LRP4: variants seen among roughly 807,000 people sequenced by gnomAD.
LRP4 encodes the protein low-density lipoprotein receptor-related protein 4.
Under a neutral mutation model 220.3 loss-of-function variants are expected in LRP4, and 95 were observed. The ratio of observed to expected loss-of-function variants is 0.43; its 90% CI spans 0.37 to 0.51. LRP4 has a LOEUF of 0.51. Ranked by LOEUF, LRP4 falls within the 20% of genes least tolerant of loss-of-function variation. The pLI, the probability that LRP4 is intolerant of heterozygous loss-of-function variation, is 0.00. For missense variants in LRP4, 1,925 were observed against 2,567.0 expected (o/e 0.75, Z 5.40); for synonymous variants, 903 against 954.6 (o/e 0.95, Z 1.00).
rs958363854 is a variant in LRP4, at chr11:46,865,143, T to C, written c.5131A>G (p.Asn1711Asp). Residue 1711 changes from asparagine to aspartate, a missense_variant, in exon 35 of 38, where the codon AAT becomes GAT. Around this residue, in one of 3 missense-constraint regions of LRP4, gnomAD observed 1,244 missense variants for 1,624.9 expected, o/e 0.77. Transcript: ENST00000378623. ...DARLGLCARS[N>D]DAVPAAPGEG... Reference sequence around the variant, plus strand: ...CCTGGAGCAGCAGGAACAGCGTCATTGGAACGTGCACAGAGGCCCAGCCTG... The same window carrying C: ...CCTGGAGCAGCAGGAACAGCGTCATCGGAACGTGCACAGAGGCCCAGCCTG... The C allele has an allele frequency of 3.8e-6, 6 of 1,563,168 alleles. No individual in the cohort carries two copies. Among genetic ancestry groups the C allele is most frequent in the African/African-American group, 1.4e-5 (1 of 73,782 alleles).
intron 1 of LRP4, among the ~76,000 whole-genome samples, chr11:46,913,907 A>C (rs919292107): frequency 3.9e-5 from 6 of 152,158 alleles, no homozygotes; most frequent in Non-Finnish European, 7.3e-5. Context: ...CAAGGGGAGA[A>C]AGAAGGGGCA....
Position 46,896,948 on chromosome 11 carries a change from G to C in LRP4, c.843C>G (p.Arg281=). The C allele has an allele frequency of 1.9e-6, 3 of 1,614,260 alleles. No homozygotes were observed. Among genetic ancestry groups the C allele is most frequent in the Non-Finnish European group, 2.5e-6 (3 of 1,180,048 alleles). The change falls in exon 8 of 38, where the codon CGC becomes CGG. Residue 281 remains arginine (R), a synonymous_variant. Transcript: ENST00000378623. ...CACAGCGCCAGGACAGGCGGACACAGCGGCCTGAGTGACAGCGGAACTGTT... is the reference window on the plus strand; with the variant it reads ...CACAGCGCCAGGACAGGCGGACACACCGGCCTGAGTGACAGCGGAACTGTT... The part of the protein sequence containing the change: ...TAEQFRCHSG[R]CVRLSWRCDG...
intron 31 of LRP4, among the ~76,000 whole-genome samples, chr11:46,869,867 G>C (rs1230494557): frequency 6.6e-6 from 1 of 152,120 alleles, no homozygotes; most frequent in Admixed American, 6.5e-5. Flanking sequence ...CCAGCACTTT[G>C]GGAGGCCAAG....
chr11:46,903,942 C>T (rs1941714951), intron 1 of LRP4, among the ~76,000 whole-genome samples: 1 of 152,212 alleles, frequency 6.6e-6, no homozygotes, highest in Non-Finnish European at 1.5e-5. Context: ...TCTGCCTGGC[C>T]AAGTCCCATG....
Position 46,868,188 on chromosome 11 carries a change from G to A in LRP4, c.4952-74C>T, listed in dbSNP as rs1039237234. On this transcript the variant is annotated intron_variant, in intron 33 of 37. Coordinates refer to ENST00000378623, the MANE Select transcript of LRP4 (RefSeq NM_002334.4). ...ACATATGGCCCAAGAGTAGCAGCTG[G>A]AGAACTTGACAAAACAATCTTTTAG... 3.8e-6 allele frequency: 6 copies of A among 1,592,558 alleles called. No individual in the cohort carries two copies. In the Admixed American group the frequency reaches 1.0e-4, roughly 27 times the overall value.
rs1160599345 is a variant in LRP4 at position 46,869,141 on chromosome 11, C to T, written c.4693-9G>A. The T allele has an allele frequency of 3.7e-6, 6 of 1,613,714 alleles. No individual in the cohort carries two copies. In the South Asian group the frequency reaches 6.6e-5, roughly 18 times the overall value. ...TAGATCCACCTGTCTTGCTACTCAA[C>T]AGGGGAAGCCCAAAAACAGTAAATA... is the stretch of plus-strand genomic sequence containing the variant. On this transcript the variant is annotated splice_polypyrimidine_tract_variant and intron_variant, in intron 31 of 37. Transcript: ENST00000378623.
At chr11:46,892,066 G>GCC (rs1206581180) in intron 13 of LRP4, among the ~76,000 whole-genome samples, 9 of 152,140 alleles carry the variant, frequency 5.9e-5, no homozygotes, top group Non-Finnish European at 1.3e-4. Context: ...ACGTAGCTGG[G>GCC]ACTACAGGCA....
intron 36 of LRP4, among the ~76,000 whole-genome samples, chr11:46,863,584 CAAAAAAAAAAA>C (rs55744712): frequency 5.5e-5 from 3 of 54,148 alleles, no homozygotes; most frequent in Admixed American, 2.5e-4. Flanking sequence ...ACTAAAAATA[CAAAAAAAAAAA>C]AAAAAAAAAA....
intron 33 of LRP4, 23 bp from the exon 34 acceptor site, chr11:46,868,137 G>C: frequency 2.5e-6 from 4 of 1,613,854 alleles, no homozygotes; most frequent in Middle Eastern, 1.7e-4. Flanking sequence ...GAGGATTGGA[G>C]TGGGCCACTG....
intron 33 of LRP4, 47 bp from the exon 34 acceptor site, chr11:46,868,161 C>G: frequency 6.2e-7 from 1 of 1,612,332 alleles, no homozygotes; most frequent in Non-Finnish European, 8.5e-7. Context: ...CCATAAACAT[C>G]TACATATGGC....
At chr11:46,871,242 G>A (rs937297965) in intron 31 of LRP4, among the ~76,000 whole-genome samples, 2 of 152,038 alleles carry the variant, frequency 1.3e-5, no homozygotes, top group Non-Finnish European at 2.9e-5. Flanking sequence ...CTATAGTCAG[G>A]GCCTAGGAAC....
At chr11:46,909,162 A>G (rs1306432146) in intron 1 of LRP4, among the ~76,000 whole-genome samples, 1 of 152,128 alleles carries the variant, frequency 6.6e-6, no homozygotes, top group East Asian at 1.9e-4. Context: ...CATCTGTCAC[A>G]TGGAGGCACA....
In LRP4 at chr11:46,889,600, T is replaced by C. The variant is rs932291490; in HGVS notation, c.2093-67A>G. Reference sequence around the variant, plus strand: ...CAAAAGTGACCCCAAGACTAGGGAATAGGGGTTTAGGTAGGGTGATAGTTC... The same window carrying C: ...CAAAAGTGACCCCAAGACTAGGGAACAGGGGTTTAGGTAGGGTGATAGTTC... On this transcript the variant is annotated intron_variant, in intron 15 of 37. Coordinates refer to ENST00000378623, the MANE Select transcript of LRP4 (RefSeq NM_002334.4). 5.0e-6 allele frequency: 8 copies of C among 1,598,576 alleles called. No individual in the cohort carries two copies. The Admixed American group carries it at 1.2e-4, about 23-fold the overall frequency.
intron 23 of LRP4, 117 bp downstream of exon 23, chr11:46,877,082 G>A: frequency 1.6e-6 from 2 of 1,212,528 alleles, no homozygotes; most frequent in African/African-American, 1.5e-5. Context: ...ATGCCAGAGG[G>A]AATGGGGAAC....
intron 1 of LRP4, among the ~76,000 whole-genome samples, chr11:46,904,113 C>T (rs1193111792): frequency 1.3e-5 from 2 of 152,188 alleles, no homozygotes; most frequent in African/African-American, 2.4e-5. Context: ...CTGCTCTGCT[C>T]GCAGCTGGGG....
chr11:46,916,542 C>G (rs868759198), intron 1 of LRP4, among the ~76,000 whole-genome samples: 1 of 147,096 alleles, frequency 6.8e-6, no homozygotes, highest in Non-Finnish European at 1.5e-5. Context: ...CCATTCTCAC[C>G]CCCATCCTCT....
At position 46,877,343 on chromosome 11, in the gene LRP4, C is replaced by G. The variant is rs769550241; in HGVS notation, c.3137-4G>C. On this transcript the variant is annotated splice_polypyrimidine_tract_variant and splice_region_variant and intron_variant, in intron 22 of 37. Coordinates refer to ENST00000378623, the MANE Select transcript of LRP4 (RefSeq NM_002334.4). ...AAGATGAGGAAACTGTTCATGCCTG[C>G]CAGGTGGAGAGGAGGGAAGAGGATC... 5 of 1,613,930 alleles carry G rather than the reference C, an allele frequency of 3.1e-6. No homozygotes were observed. The African/African-American group carries it at 6.7e-5, about 22-fold the overall frequency.
At chr11:46,889,605 G>A in intron 15 of LRP4, 72 bp from the exon 16 acceptor site, 4 of 1,593,154 alleles carry the variant, frequency 2.5e-6, no homozygotes, top group South Asian at 1.1e-5. Context: ...GGGAATAGGG[G>A]TTTAGGTAGG....
chr11:46,902,714 G>T, intron 2 of LRP4, 69 bp downstream of exon 2: 2 of 1,572,276 alleles, frequency 1.3e-6, no homozygotes, highest in Non-Finnish European at 1.7e-6. Flanking sequence ...TACTCCATCA[G>T]CCTTGTCCTT....
Sources: allele counts gnomAD v4.1 joint callset (sites outside exome capture counted in the v4.1 genomes callset), GRCh38; gene constraint gnomAD v4.1.1; regional missense constraint gnomAD v4.1.1; transcripts MANE v1.5; gene names NCBI Gene and HGNC (gene_info 2026-07-23, HGNC 2026-07-21).